Variants in ATP9A observed in about 807,000 individuals in gnomAD.
ATP9A encodes the protein ATPase phospholipid transporting 9A.
ATP9A carries 52 observed loss-of-function variants against 144.1 expected under a neutral mutation model. That is an observed-to-expected ratio of 0.36 (90% CI 0.29 to 0.45). ATP9A has a LOEUF of 0.45. ATP9A is among the 20% of genes least tolerant of loss of function. The pLI is 1.00. For synonymous variants in ATP9A, 582 were observed against 557.4 expected (o/e 1.04, Z -0.62); for missense variants, 947 against 1,392.7 (o/e 0.68, Z 5.09).
In ATP9A at chr20:51,740,830, C is replaced by T. The variant is rs75443042; in HGVS notation, c.69-10852G>A. On this transcript the variant is annotated intron_variant, in intron 1 of 27. Coordinates refer to ENST00000338821, the MANE Select transcript of ATP9A (RefSeq NM_006045.3). ...TCTCAAGCAATCCTCCCAGTTCAGC[C>T]TCTCAAAGTGCTGGGATTACAGATG... 6.6e-5 allele frequency among the ~76,000 whole-genome samples: 10 copies of T among 151,990 alleles called. No homozygotes were observed. The East Asian group carries it at 2.0e-3, about 30-fold the overall frequency.
In ATP9A at chr20:51,764,965, C is replaced by T. The variant is rs1328614913; in HGVS notation, c.68+3337G>A. On this transcript the variant is annotated intron_variant, in intron 1 of 27. Coordinates refer to ENST00000338821, the MANE Select transcript of ATP9A (RefSeq NM_006045.3). ...CGAACTCCTGACCTCGAGTGATCCG[C>T]CCACCTTGGCCTCCCAAAGTGCTGG... Among the ~76,000 whole-genome samples the T allele has an allele frequency of 2.0e-5, 3 of 152,130 alleles. No homozygotes were observed. The East Asian group carries it at 5.8e-4, about 29-fold the overall frequency.
At chr20:51,693,508 G>T (rs1461323082) in intron 7 of ATP9A, among the ~76,000 whole-genome samples, 1 of 151,916 alleles carries the variant, frequency 6.6e-6, no homozygotes, top group East Asian at 1.9e-4. Context: ...TCTTTGGAGG[G>T]TTGTTTTTTT....
At chr20:51,614,419 G>A (rs1386700682) in intron 22 of ATP9A, among the ~76,000 whole-genome samples, 1 of 152,148 alleles carries the variant, frequency 6.6e-6, no homozygotes, top group African/African-American at 2.4e-5. Flanking sequence ...TCCCACCTCA[G>A]CCTCCTGAGC....
Position 51,625,213 on chromosome 20 carries a change from G to C in ATP9A, c.1995C>G (p.Thr665=), listed in dbSNP as rs1282850646. The change falls in exon 18 of 28, where the codon ACC becomes ACG. Residue 665 remains threonine (T), a synonymous_variant. Transcript: ENST00000338821. ...LQADVRPTLE[T]LRNAGIKVWM... ...CTACCTTGATGCCAGCATTCCTCAGGGTCTCCAGCGTGGGCCGCACATCTG... is the reference window on the plus strand; with the variant it reads ...CTACCTTGATGCCAGCATTCCTCAGCGTCTCCAGCGTGGGCCGCACATCTG... 7 of 1,613,176 alleles carry C rather than the reference G, an allele frequency of 4.3e-6. No homozygotes were observed. Among genetic ancestry groups the C allele is most frequent in the Admixed American group, 1.7e-5 (1 of 60,002 alleles).
chr20:51,627,563 G>A, intron 17 of ATP9A, 37 bp downstream of exon 17: 2 of 1,572,792 alleles, frequency 1.3e-6, no homozygotes, highest in Non-Finnish European at 1.8e-6. Flanking sequence ...GGCAGGTGGG[G>A]CTGCAAAGGC....
chr20:51,754,392 A>G (rs936139638), intron 1 of ATP9A, among the ~76,000 whole-genome samples: 1 of 152,076 alleles, frequency 6.6e-6, no homozygotes, highest in African/African-American at 2.4e-5. Context: ...AATCCCAGCT[A>G]CGCAGGAGGC....
At chr20:51,687,181 G>A (rs1351723175) in intron 9 of ATP9A, among the ~76,000 whole-genome samples, 5 of 150,686 alleles carry the variant, frequency 3.3e-5, no homozygotes, top group Admixed American at 2.0e-4. Context: ...TGCATGCTGC[G>A]TCCCCTGGGT....
intron 10 of ATP9A, among the ~76,000 whole-genome samples, chr20:51,675,675 C>T (rs71351236): frequency 6.6e-6 from 1 of 152,040 alleles, no homozygotes; most frequent in South Asian, 2.1e-4. Context: ...ATGTCCGGAG[C>T]TTGAGACCAG....
Position 51,697,442 on chromosome 20 carries a change from G to A in ATP9A, c.477C>T (p.Asp159=). Residue 159 remains aspartate, a synonymous_variant, in exon 5 of 28, where the codon GAC becomes GAT. Transcript: ENST00000338821. ...KVKSSNIQVG[D]LIIVEKNQRV... ...TGCTCACCTTTTCAACGATGATAAG[G>A]TCTCCAACTTGGATGTTAGAACTCT... 6.2e-7 allele frequency: 1 copy of A among 1,613,486 alleles called. No homozygotes were observed. The highest frequency in any genetic ancestry group is 8.5e-7 in the Non-Finnish European group (1 of 1,179,794).
chr20:51,768,245 G>T, intron 1 of ATP9A, 57 bp downstream of exon 1: 1 of 1,149,372 alleles, frequency 8.7e-7, no homozygotes, highest in South Asian at 3.9e-5. Flanking sequence ...AGGCTGGCCC[G>T]AGCGCCGGGC....
chr20:51,630,571 G>A (rs1218259092), intron 15 of ATP9A, among the ~76,000 whole-genome samples: 1 of 152,036 alleles, frequency 6.6e-6, no homozygotes, highest in Non-Finnish European at 1.5e-5. Flanking sequence ...GCGTGGTGGT[G>A]CATGCCTGTA....
chr20:51,694,439 T>G (rs2077562033), intron 6 of ATP9A, among the ~76,000 whole-genome samples: 1 of 152,214 alleles, frequency 6.6e-6, no homozygotes, highest in African/African-American at 2.4e-5. Flanking sequence ...GAGCACAGGT[T>G]GACCAGCATT....
chr20:51,639,574 C>G, intron 14 of ATP9A, 70 bp from the exon 15 acceptor site: 1 of 1,479,786 alleles, frequency 6.8e-7, no homozygotes, highest in Non-Finnish European at 9.1e-7. Flanking sequence ...GTGCTATGAA[C>G]ACAAAGGCAG....
chr20:51,646,612 A>C (rs546475824), intron 14 of ATP9A, among the ~76,000 whole-genome samples: 68 of 152,344 alleles, frequency 4.5e-4, no homozygotes, highest in Non-Finnish European at 8.5e-4. Flanking sequence ...GGGGGTCAGA[A>C]GAAAACTGAG....
intron 4 of ATP9A, among the ~76,000 whole-genome samples, chr20:51,702,917 ATTG>A (rs1311449219): frequency 6.6e-6 from 1 of 152,172 alleles, no homozygotes. Context: ...TCTCCCTACA[ATTG>A]ATCTGACAGA....
intron 3 of ATP9A, 49 bp from the exon 4 acceptor site, chr20:51,713,123 T>G: frequency 6.5e-7 from 1 of 1,534,252 alleles, no homozygotes; most frequent in Non-Finnish European, 8.9e-7. Flanking sequence ...TGAGCCCTGC[T>G]GCAGCCAACC....
chr20:51,699,332 T>C (rs1274114518), intron 4 of ATP9A, among the ~76,000 whole-genome samples: 5 of 29,368 alleles, frequency 1.7e-4, no homozygotes, highest in Admixed American at 1.4e-3. Context: ...AAACTCAATC[T>C]CAAAAAAAAA....
chr20:51,638,293 GAA>G (rs11477244), intron 15 of ATP9A, among the ~76,000 whole-genome samples: 1,414 of 121,442 alleles, frequency 0.012, 26 homozygotes, highest in African/African-American at 0.041. Flanking sequence ...ATTTGTCAAG[GAA>G]AAAAAAAAAA....
chr20:51,648,570 C>T (rs1005146872), intron 14 of ATP9A, among the ~76,000 whole-genome samples: 11 of 152,284 alleles, frequency 7.2e-5, no homozygotes, highest in African/African-American at 2.6e-4. Flanking sequence ...AGTGCTTACG[C>T]CTGTAATTCC....
Sources: allele counts gnomAD v4.1 joint callset (sites outside exome capture counted in the v4.1 genomes callset), GRCh38; gene constraint gnomAD v4.1.1; transcripts MANE v1.5; gene names NCBI Gene and HGNC (gene_info 2026-07-23, HGNC 2026-07-21).